The following CADPS2 variants were observed in gnomAD, a reference collection of about 807,000 sequenced individuals.
CADPS2 encodes the protein calcium dependent secretion activator 2, also known as calcium-dependent secretion activator 2.
CADPS2 carries 93 observed loss-of-function variants against 172.5 expected under a neutral mutation model. The ratio of observed to expected loss-of-function variants is 0.54; its 90% confidence interval spans 0.46 to 0.64. The LOEUF is 0.64. Ranked by LOEUF, CADPS2 falls within the 30% of genes least tolerant of loss-of-function variation. The pLI is 0.00. For missense variants in CADPS2, 1,420 were observed against 1,565.9 expected, an observed-to-expected ratio of 0.91 and a Z score of 1.57; for synonymous variants, 546 against 555.2, an observed-to-expected ratio of 0.98 and a Z score of 0.23.
intron 19 of CADPS2, among the ~76,000 whole-genome samples, chr7:122,410,343 T>TA (rs1259933324): frequency 4.0e-5 from 6 of 149,970 alleles, no homozygotes; most frequent in Non-Finnish European, 7.4e-5. Flanking sequence ...GACACTGTCT[T>TA]AAAAAAAACA....
Position 122,705,789 on chromosome 7 carries a change from C to G in CADPS2, c.453+31166G>C, listed in dbSNP as rs1487512221. On this transcript the variant is annotated intron_variant, in intron 2 of 29. Coordinates refer to ENST00000449022, the MANE Select transcript of CADPS2 (RefSeq NM_017954.11). The stretch of plus-strand genomic sequence containing the variant: ...ATATGATATATTATATAATATATAT[C>G]ATATATAATATAATATATATGATAT... 3.3e-4 allele frequency among the ~76,000 whole-genome samples: 5 copies of G among 14,940 alleles called. 1 individual carries two copies. Among genetic ancestry groups the G allele is most frequent in the African/African-American group, 5.2e-4 (3 of 5,760 alleles). 9.8% of individuals were successfully genotyped at this position (14,940 alleles called of 152,430 possible).
At chr7:122,675,058 C>A (rs1278561956) in intron 2 of CADPS2, among the ~76,000 whole-genome samples, 1 of 152,064 alleles carries the variant, frequency 6.6e-6, no homozygotes, top group Non-Finnish European at 1.5e-5. Context: ...ATTTTACTTC[C>A]TGATTCATAC....
chr7:122,446,019 A>AT (rs1330803407), intron 15 of CADPS2, among the ~76,000 whole-genome samples: 2 of 152,230 alleles, frequency 1.3e-5, no homozygotes, highest in Admixed American at 1.3e-4. Context: ...AATTTTGAAC[A>AT]TAAGAAGTGA....
At chr7:122,380,709 T>C (rs890611980) in intron 24 of CADPS2, among the ~76,000 whole-genome samples, 8 of 152,116 alleles carry the variant, frequency 5.3e-5, no homozygotes, top group Non-Finnish European at 1.2e-4. Flanking sequence ...TATAAGTGCA[T>C]AATGATGAGT....
intron 8 of CADPS2, among the ~76,000 whole-genome samples, chr7:122,547,658 T>C (rs1469998641): frequency 6.6e-6 from 1 of 152,124 alleles, no homozygotes; most frequent in African/African-American, 2.4e-5. Context: ...AATAGCAAAT[T>C]ACACCATGGC....
At chr7:122,487,864 C>G (rs1195095334) in intron 11 of CADPS2, among the ~76,000 whole-genome samples, 1 of 152,016 alleles carries the variant, frequency 6.6e-6, no homozygotes, top group Non-Finnish European at 1.5e-5. Context: ...ATGCAGTAAT[C>G]AGAAGAATGA....
intron 6 of CADPS2, among the ~76,000 whole-genome samples, chr7:122,595,591 G>A (rs76550290): frequency 0.011 from 1,730 of 152,174 alleles, 30 homozygotes; most frequent in African/African-American, 0.039. Flanking sequence ...GAGCAGTAAC[G>A]TGGAGGACTT....
At chr7:122,674,965 T>C (rs1054373470) in intron 2 of CADPS2, among the ~76,000 whole-genome samples, 2 of 152,260 alleles carry the variant, frequency 1.3e-5, no homozygotes, top group African/African-American at 4.8e-5. Context: ...GCTTTGTAAC[T>C]GTGGTGAAGT....
At chr7:122,434,724 A>C (rs564019267) in intron 17 of CADPS2, among the ~76,000 whole-genome samples, 1 of 152,244 alleles carries the variant, frequency 6.6e-6, no homozygotes, top group African/African-American at 2.4e-5. Context: ...ACGTTAAAAA[A>C]TTCAGCGACT....
chr7:122,859,551 CA>C (rs34194021), intron 1 of CADPS2, among the ~76,000 whole-genome samples: 2 of 151,926 alleles, frequency 1.3e-5, no homozygotes, highest in Non-Finnish European at 2.9e-5. Context: ...TTAAGTCACT[CA>C]AAAACAAAAT....
At chr7:122,322,373 T>G (rs2032761049) in intron 29 of CADPS2, among the ~76,000 whole-genome samples, 1 of 152,238 alleles carries the variant, frequency 6.6e-6, no homozygotes, top group African/African-American at 2.4e-5. Context: ...TCTTATTCAA[T>G]TAGCAAGCAA....
At chr7:122,527,416 TA>T (rs5887096) in intron 8 of CADPS2, among the ~76,000 whole-genome samples, 94,883 of 145,308 alleles carry the variant, frequency 0.65, 31,207 homozygotes, top group East Asian at 0.94. Flanking sequence ...ACTAATATGC[TA>T]AAAAAAAAAA....
intron 20 of CADPS2, among the ~76,000 whole-genome samples, chr7:122,395,178 T>A (rs1401061447): frequency 2.6e-5 from 4 of 152,236 alleles, no homozygotes; most frequent in African/African-American, 9.6e-5. Flanking sequence ...GTGGCATGTA[T>A]ATGAAGATGG....
At chr7:122,467,524 T>C (rs139737102) in intron 14 of CADPS2, among the ~76,000 whole-genome samples, 16 of 152,286 alleles carry the variant, frequency 1.1e-4, no homozygotes, top group East Asian at 7.7e-4. Context: ...CTGGAATCCA[T>C]AGAAAATTGA....
chr7:122,400,611 A>C (rs1336407530), intron 20 of CADPS2, among the ~76,000 whole-genome samples: 1 of 152,210 alleles, frequency 6.6e-6, no homozygotes, highest in Non-Finnish European at 1.5e-5. Context: ...TTTTGAATCC[A>C]ATCAACTCTG....
chr7:122,679,264 C>CT, intron 2 of CADPS2, among the ~76,000 whole-genome samples: 1 of 14,740 alleles, frequency 6.8e-5, no homozygotes, highest in South Asian at 6.3e-3. Context: ...GAATGCATTC[C>CT]TGGGGGGGGG....
intron 8 of CADPS2, among the ~76,000 whole-genome samples, chr7:122,536,402 T>C (rs929722549): frequency 3.3e-5 from 5 of 151,894 alleles, no homozygotes; most frequent in Non-Finnish European, 5.9e-5. Context: ...TAGTAGAAAG[T>C]GCTATAGGAT....
intron 2 of CADPS2, among the ~76,000 whole-genome samples, chr7:122,694,888 T>C (rs1438480552): frequency 2.0e-5 from 3 of 152,182 alleles, no homozygotes; most frequent in South Asian, 2.1e-4. Context: ...AGTAGCAGCA[T>C]GTAAAAATTT....
At chr7:122,434,007 G>C (rs2050316639) in intron 17 of CADPS2, among the ~76,000 whole-genome samples, 1 of 152,200 alleles carries the variant, frequency 6.6e-6, no homozygotes, top group Non-Finnish European at 1.5e-5. Flanking sequence ...TCCAGCCCCA[G>C]CTGGCTGAGT....
Sources: allele counts gnomAD v4.1 joint callset (sites outside exome capture counted in the v4.1 genomes callset), GRCh38; gene constraint gnomAD v4.1.1; transcripts MANE v1.5; gene names NCBI Gene and HGNC (gene_info 2026-07-23, HGNC 2026-07-21).